Variants in ZMAT4 observed in about 807,000 individuals in gnomAD.
ZMAT4 encodes zinc finger matrin-type 4.
In ZMAT4, 17 loss-of-function variants were observed where a neutral mutation model predicts 28.7. The ratio of observed to expected loss-of-function variants is 0.59; its 90% CI spans 0.41 to 0.89. ZMAT4 has a LOEUF of 0.89. Ranked by LOEUF, ZMAT4 falls within the 40% of genes least tolerant of loss-of-function variation. ZMAT4 has a pLI of 0.00. For synonymous variants in ZMAT4, 117 were observed against 109.2 expected, an observed-to-expected ratio of 1.07 and a Z score of -0.44; for missense variants, 240 against 283.8, an observed-to-expected ratio of 0.85 and a Z score of 1.11.
intron 5 of ZMAT4, among the ~76,000 whole-genome samples, chr8:40,596,454 T>C (rs1482085438): frequency 6.6e-6 from 1 of 152,228 alleles, no homozygotes; most frequent in East Asian, 1.9e-4. Context: ...TATATTCTTA[T>C]TCTATAAGAT....
intron 1 of ZMAT4, among the ~76,000 whole-genome samples, chr8:40,877,328 C>T (rs1363648332): frequency 2.0e-5 from 3 of 152,136 alleles, no homozygotes; most frequent in Non-Finnish European, 4.4e-5. Flanking sequence ...TACTTCATTA[C>T]GACTGCACTA....
chr8:40,780,967 G>T (rs1423367652), intron 2 of ZMAT4, among the ~76,000 whole-genome samples: 1 of 152,154 alleles, frequency 6.6e-6, no homozygotes, highest in African/African-American at 2.4e-5. Flanking sequence ...CTAAGATGAG[G>T]AGCAAGACAA....
At chr8:40,877,195 G>A (rs1563260754) in intron 1 of ZMAT4, among the ~76,000 whole-genome samples, 1 of 152,188 alleles carries the variant, frequency 6.6e-6, no homozygotes, top group African/African-American at 2.4e-5. Flanking sequence ...ACAGTGGTCA[G>A]GGGCAGATCC....
chr8:40,805,096 T>C (rs1367404056), intron 2 of ZMAT4, among the ~76,000 whole-genome samples: 4 of 151,174 alleles, frequency 2.6e-5, no homozygotes, highest in Non-Finnish European at 5.9e-5. Context: ...TCAAACAAAT[T>C]TACAAGAAAA....
intron 6 of ZMAT4, among the ~76,000 whole-genome samples, chr8:40,578,293 T>C (rs915582401): frequency 9.2e-5 from 14 of 152,106 alleles, no homozygotes; most frequent in African/African-American, 3.1e-4. Flanking sequence ...ATTGGATTAA[T>C]TGGTATCTGT....
At chr8:40,782,098 T>C (rs933491565) in intron 2 of ZMAT4, among the ~76,000 whole-genome samples, 22 of 152,130 alleles carry the variant, frequency 1.4e-4, no homozygotes, top group Admixed American at 2.0e-4. Context: ...TTTTTAAATG[T>C]TGTGCTTCAA....
chr8:40,802,196 T>C (rs911519252), intron 2 of ZMAT4, among the ~76,000 whole-genome samples: 6 of 152,220 alleles, frequency 3.9e-5, no homozygotes, highest in African/African-American at 1.4e-4. Context: ...TCACCACTGC[T>C]TTTCAGCATC....
At chr8:40,710,306 T>C (rs1005722017) in intron 3 of ZMAT4, among the ~76,000 whole-genome samples, 6 of 152,214 alleles carry the variant, frequency 3.9e-5, no homozygotes, top group Admixed American at 3.9e-4. Flanking sequence ...ACAATATTAT[T>C]GGATAAAGTA....
intron 3 of ZMAT4, among the ~76,000 whole-genome samples, chr8:40,750,132 A>G (rs1812395086): frequency 6.6e-6 from 1 of 152,210 alleles, no homozygotes; most frequent in East Asian, 1.9e-4. Context: ...CACCAAATCC[A>G]GGTCACATGA....
chr8:40,614,335 G>A (rs1010939754), intron 5 of ZMAT4, among the ~76,000 whole-genome samples: 3 of 152,132 alleles, frequency 2.0e-5, no homozygotes, highest in Non-Finnish European at 4.4e-5. Flanking sequence ...TCTTTTTCAA[G>A]TATGAAGGGA....
chr8:40,812,587 G>T (rs986294777), intron 2 of ZMAT4, among the ~76,000 whole-genome samples: 2 of 152,160 alleles, frequency 1.3e-5, no homozygotes, highest in South Asian at 2.1e-4. Context: ...AAAATGACAC[G>T]ACAGAGAAAC....
chr8:40,667,572 A>G (rs1242841888), intron 5 of ZMAT4, among the ~76,000 whole-genome samples: 3 of 152,162 alleles, frequency 2.0e-5, no homozygotes, highest in South Asian at 4.1e-4. Context: ...TCTCCCCAGT[A>G]AATTGTGTAC....
intron 1 of ZMAT4, among the ~76,000 whole-genome samples, chr8:40,857,114 A>G (rs756544530): frequency 2.0e-4 from 30 of 152,186 alleles, no homozygotes; most frequent in Non-Finnish European, 1.5e-5. Context: ...GGAGGGAGGG[A>G]GGCAAGTGAA....
chr8:40,889,701 C>G (rs1006615576), intron 1 of ZMAT4, among the ~76,000 whole-genome samples: 1 of 151,958 alleles, frequency 6.6e-6, no homozygotes, highest in South Asian at 2.1e-4. Flanking sequence ...ATGTATTATT[C>G]AATGTAATTT....
chr8:40,783,236 ACT>A (rs1253818374), intron 2 of ZMAT4, among the ~76,000 whole-genome samples: 5 of 152,236 alleles, frequency 3.3e-5, no homozygotes, highest in African/African-American at 1.2e-4. Flanking sequence ...AAGGAATGAA[ACT>A]CTCACACATG....
chr8:40,738,009 G>A (rs566606495), intron 3 of ZMAT4, among the ~76,000 whole-genome samples: 1 of 152,146 alleles, frequency 6.6e-6, no homozygotes, highest in African/African-American at 2.4e-5. Flanking sequence ...GGAGAGCTGC[G>A]AAAAGAGAAG....
chr8:40,712,750 G>T (rs1431342197), intron 3 of ZMAT4, among the ~76,000 whole-genome samples: 2 of 152,192 alleles, frequency 1.3e-5, no homozygotes, highest in Non-Finnish European at 2.9e-5. Context: ...AGCAGGAAAA[G>T]ATGGCACCTG....
At chr8:40,559,666 T>C (rs1222131895) in intron 6 of ZMAT4, among the ~76,000 whole-genome samples, 1 of 152,016 alleles carries the variant, frequency 6.6e-6, no homozygotes, top group Non-Finnish European at 1.5e-5. Context: ...AATGATATAA[T>C]TTTTCAGTTG....
rs57458575 is a variant in ZMAT4, at chr8:40,833,540, C to CAAAAAAAAAAAAAAAAAAAAAAAAAAAA, written c.-4-7861_-4-7860insTTTTTTTTTTTTTTTTTTTTTTTTTTTT. Among the ~76,000 whole-genome samples the CAAAAAAAAAAAAAAAAAAAAAAAAAAAA allele has an allele frequency of 9.1e-4, 79 of 87,048 alleles. 1 individual carries two copies. The highest frequency in any genetic ancestry group is 1.3e-3 in the East Asian group (4 of 2,986). The allele number at this position is 87,048 out of a possible 152,430, so 57.1% of individuals were successfully genotyped here. A position where few individuals can be genotyped will look rare whatever the true frequency, so the allele number is the denominator to read the frequency against. On this transcript the variant is annotated intron_variant, in intron 1 of 6. Coordinates refer to ENST00000297737, the MANE Select transcript of ZMAT4 (RefSeq NM_024645.3). ...CCGAGATCATACCACTACACTCCAG[C>CAAAAAAAAAAAAAAAAAAAAAAAAAAAA]AAAAAAAAAAAAAAAAAAGACATGA... is the stretch of plus-strand genomic sequence containing the variant.
Sources: allele counts gnomAD v4.1 joint callset (sites outside exome capture counted in the v4.1 genomes callset), GRCh38; gene constraint gnomAD v4.1.1; transcripts MANE v1.5; gene names NCBI Gene and HGNC (gene_info 2026-07-23, HGNC 2026-07-21).